The following ZMYND8 variants were observed in gnomAD, a reference collection of about 807,000 sequenced individuals.
The protein encoded by ZMYND8 is MYND-type zinc finger-containing chromatin reader ZMYND8.
In ZMYND8, 37 loss-of-function variants were observed where a neutral mutation model predicts 140.8. The observed-to-expected ratio is 0.26, with a 90% CI of 0.20 to 0.35. The LOEUF (loss-of-function observed/expected upper bound fraction) is 0.35, where lower values mean the gene tolerates loss of function less well. Among genes scored for constraint, ZMYND8 ranks in the 10% least tolerant of loss-of-function variants. ZMYND8 has a pLI of 1.00. For synonymous variants in ZMYND8, 592 were observed against 597.1 expected (o/e 0.99, Z 0.12); for missense variants, 1,068 against 1,570.0 (o/e 0.68, Z 5.40).
intron 2 of ZMYND8, among the ~76,000 whole-genome samples, chr20:47,332,340 G>A (rs755321032): frequency 1.4e-4 from 22 of 151,984 alleles, no homozygotes; most frequent in Non-Finnish European, 2.4e-4. Context: ...CTTTGAAGAA[G>A]AGGACAGAAA....
intron 12 of ZMYND8, among the ~76,000 whole-genome samples, chr20:47,251,784 T>C (rs1294894769): frequency 7.2e-6 from 1 of 139,848 alleles, no homozygotes; most frequent in African/African-American, 3.1e-5. Flanking sequence ...GGAGTGCATC[T>C]CTGCCCGGCC....
chr20:47,316,483 G>A (rs1040963483), intron 2 of ZMYND8, among the ~76,000 whole-genome samples: 3 of 151,954 alleles, frequency 2.0e-5, no homozygotes, highest in African/African-American at 7.3e-5. Context: ...GCTTTCCTGA[G>A]CCAAGAGTAT....
chr20:47,312,645 C>T lies in ZMYND8; in HGVS notation c.86-2441G>A, dbSNP rs115898262. Among the ~76,000 whole-genome samples, 857 of 152,256 alleles carry T rather than the reference C, an allele frequency of 5.6e-3. 6 individuals carry two copies. The highest frequency in any genetic ancestry group is 0.02 in the African/African-American group (826 of 41,536). On this transcript the variant is annotated intron_variant, in intron 2 of 22. Transcript: ENST00000471951. ...TTTGTACTAAAAACACAAAAATTAG[C>T]TAGGCATGGTAGCGCACACCCATAA...
chr20:47,247,126 GT>G (rs1323377383), intron 13 of ZMYND8, among the ~76,000 whole-genome samples: 2 of 152,364 alleles, frequency 1.3e-5, no homozygotes, highest in Admixed American at 1.3e-4. Flanking sequence ...AGAGGCACTG[GT>G]TTGGCCCACA....
intron 7 of ZMYND8, among the ~76,000 whole-genome samples, chr20:47,288,764 T>C (rs920876184): frequency 1.1e-4 from 17 of 152,232 alleles, no homozygotes; most frequent in Middle Eastern, 3.2e-3. Flanking sequence ...TAGTTAGTAA[T>C]GCAATATGGT....
intron 12 of ZMYND8, among the ~76,000 whole-genome samples, chr20:47,254,801 C>T (rs1005076910): frequency 6.6e-6 from 1 of 152,108 alleles, no homozygotes; most frequent in African/African-American, 2.4e-5. Flanking sequence ...CCCCTAGATG[C>T]TATTAGCACC....
At chr20:47,223,551 G>A (rs188129802) in intron 19 of ZMYND8, among the ~76,000 whole-genome samples, 153 of 151,540 alleles carry the variant, frequency 1.0e-3, no homozygotes, top group Non-Finnish European at 1.6e-3. Flanking sequence ...GATGCCAGGC[G>A]CTGTGGCTCA....
chr20:47,236,237 A>T, intron 16 of ZMYND8, 89 bp downstream of exon 16: 1 of 1,522,934 alleles, frequency 6.6e-7, no homozygotes, highest in Non-Finnish European at 9.0e-7. Flanking sequence ...CTGCAAGGTT[A>T]AGACGCTCAC....
chr20:47,295,483 C>G (rs1483305890), intron 4 of ZMYND8, among the ~76,000 whole-genome samples: 1 of 152,202 alleles, frequency 6.6e-6, no homozygotes, highest in East Asian at 1.9e-4. Context: ...AACCATTTAT[C>G]CTGATCCTCT....
At chr20:47,288,330 T>C (rs963104604) in intron 7 of ZMYND8, among the ~76,000 whole-genome samples, 1 of 152,154 alleles carries the variant, frequency 6.6e-6, no homozygotes, top group African/African-American at 2.4e-5. Context: ...CATCCACTTG[T>C]TTATATAATT....
intron 5 of ZMYND8, among the ~76,000 whole-genome samples, chr20:47,293,563 G>C (rs1417959770): frequency 6.6e-6 from 1 of 152,180 alleles, no homozygotes; most frequent in East Asian, 1.9e-4. Context: ...GTCACTGGTT[G>C]AGTTTTCCTT....
At chr20:47,296,020 A>C (rs1601685043) in intron 4 of ZMYND8, among the ~76,000 whole-genome samples, 1 of 152,194 alleles carries the variant, frequency 6.6e-6, no homozygotes, top group East Asian at 1.9e-4. Flanking sequence ...GGCCAACACA[A>C]GAGTCACTCA....
At chr20:47,280,781 C>G (rs972187411) in intron 10 of ZMYND8, among the ~76,000 whole-genome samples, 2 of 152,118 alleles carry the variant, frequency 1.3e-5, no homozygotes, top group South Asian at 4.1e-4. Flanking sequence ...AAATAAAAAA[C>G]AAACTCCTGC....
chr20:47,239,194 T>G, intron 14 of ZMYND8, 56 bp from the exon 15 acceptor site: 1 of 1,479,278 alleles, frequency 6.8e-7, no homozygotes, highest in South Asian at 1.4e-5. Context: ...CAGGTTCACC[T>G]GCACGGTCTT....
chr20:47,239,629 C>A (rs765025057), intron 14 of ZMYND8, among the ~76,000 whole-genome samples: 11 of 152,218 alleles, frequency 7.2e-5, no homozygotes, highest in Non-Finnish European at 1.5e-4. Flanking sequence ...CTCCCAATGG[C>A]CAAAGCAGTA....
chr20:47,255,740 A>ATATATATATATATATATATATATGG (rs2074615219), intron 12 of ZMYND8, among the ~76,000 whole-genome samples: 1 of 34,900 alleles, frequency 2.9e-5, no homozygotes, highest in Non-Finnish European at 5.6e-5. Flanking sequence ...ATATATATAT[A>ATATATATATATATATATATATATGG]TATATATATA....
chr20:47,252,601 A>G (rs987668755), intron 12 of ZMYND8, among the ~76,000 whole-genome samples: 1 of 151,864 alleles, frequency 6.6e-6, no homozygotes, highest in African/African-American at 2.4e-5. Context: ...AAAATTTACA[A>G]AAGAGACCAA....
Position 47,294,690 on chromosome 20 carries a change from G to C in ZMYND8, c.543C>G (p.Ala181=), listed in dbSNP as rs756434696. 2.5e-6 allele frequency: 4 copies of C among 1,614,128 alleles called. No individual in the cohort carries two copies. Among genetic ancestry groups the C allele is most frequent in the Non-Finnish European group, 2.5e-6 (3 of 1,179,986 alleles). ...CCCCTGGCTGTTTCATTTTCTGAATGGCAAACTTGAGCAGGTAGGATAACT... is the reference window on the plus strand; with the variant it reads ...CCCCTGGCTGTTTCATTTTCTGAATCGCAAACTTGAGCAGGTAGGATAACT... ...IEQLSYLLKF[A]IQKMKQPGTD... Residue 181 remains alanine (A), a synonymous_variant, in exon 5 of 23, where the codon GCC becomes GCG. Transcript: ENST00000471951.
intron 12 of ZMYND8, among the ~76,000 whole-genome samples, chr20:47,253,536 CAA>C (rs11475274): frequency 1.8e-3 from 210 of 115,858 alleles, no homozygotes; most frequent in African/African-American, 2.4e-3. Flanking sequence ...GACTCCATCT[CAA>C]AAAAAAAAAA....
Sources: allele counts gnomAD v4.1 joint callset (sites outside exome capture counted in the v4.1 genomes callset), GRCh38; gene constraint gnomAD v4.1.1; transcripts MANE v1.5; gene names NCBI Gene and HGNC (gene_info 2026-07-23, HGNC 2026-07-21).